Variants in ATRN observed in about 807,000 individuals in gnomAD.
ATRN encodes attractin.
Under a neutral mutation model 178.7 loss-of-function variants are expected in ATRN, and 54 were observed. The observed-to-expected ratio is 0.30, with a 90% CI of 0.24 to 0.38. The LOEUF is 0.38. Ranked by LOEUF, ATRN falls within the 10% of genes least tolerant of loss-of-function variation. ATRN has a pLI of 1.00. For missense variants in ATRN, 1,443 were observed against 1,815.1 expected (o/e 0.79, Z 3.73); for synonymous variants, 636 against 663.0 (o/e 0.96, Z 0.63).
intron 1 of ATRN, among the ~76,000 whole-genome samples, chr20:3,516,621 A>T (rs1347683783): frequency 3.9e-5 from 6 of 152,122 alleles, no homozygotes; most frequent in East Asian, 3.9e-4. Flanking sequence ...GCCAAGGGGG[A>T]TATGAAGAAA....
chr20:3,566,161 T>A (rs2086032984), intron 11 of ATRN, among the ~76,000 whole-genome samples: 1 of 152,130 alleles, frequency 6.6e-6, no homozygotes, highest in South Asian at 2.1e-4. Context: ...GCACTTCAGA[T>A]GGGGGGATAA....
At chr20:3,606,355 G>A (rs1043290313) in intron 24 of ATRN, among the ~76,000 whole-genome samples, 1 of 152,034 alleles carries the variant, frequency 6.6e-6, no homozygotes, top group African/African-American at 2.4e-5. Flanking sequence ...TCGTTTTCTG[G>A]CCAGTCTTTT....
intron 18 of ATRN, among the ~76,000 whole-genome samples, chr20:3,585,888 T>C (rs1006192829): frequency 2.6e-5 from 4 of 152,120 alleles, no homozygotes; most frequent in Non-Finnish European, 5.9e-5. Flanking sequence ...AAAGCCACAA[T>C]GAGATACCAC....
At chr20:3,618,936 C>G (rs2086874439) in intron 24 of ATRN, among the ~76,000 whole-genome samples, 1 of 152,212 alleles carries the variant, frequency 6.6e-6, no homozygotes, top group Admixed American at 6.5e-5. Flanking sequence ...TTAGAATGTA[C>G]TTAGCCAGGG....
intron 18 of ATRN, among the ~76,000 whole-genome samples, chr20:3,586,989 A>G (rs1390354886): frequency 6.6e-6 from 1 of 152,202 alleles, no homozygotes; most frequent in Admixed American, 6.5e-5. Context: ...CTGATAACTA[A>G]TGAAATTGAA....
chr20:3,498,827 G>T (rs1389002737), intron 1 of ATRN, among the ~76,000 whole-genome samples: 3,686 of 143,984 alleles, frequency 0.026, 155 homozygotes, highest in African/African-American at 0.088. Flanking sequence ...TGGAAGTTCT[G>T]GCCAGGGCAA....
intron 24 of ATRN, among the ~76,000 whole-genome samples, chr20:3,623,635 C>G (rs905337793): frequency 1.3e-5 from 2 of 152,040 alleles, no homozygotes; most frequent in Non-Finnish European, 2.9e-5. Context: ...GTAATTGTTT[C>G]GTTTATAGTA....
chr20:3,512,105 A>ATT (rs1379656862), intron 1 of ATRN, among the ~76,000 whole-genome samples: 117 of 113,382 alleles, frequency 1.0e-3, no homozygotes, highest in Middle Eastern at 5.0e-3. Flanking sequence ...ATATATATAT[A>ATT]TATTTTTTTT....
intron 1 of ATRN, among the ~76,000 whole-genome samples, chr20:3,506,748 G>T (rs2085050105): frequency 6.6e-6 from 1 of 151,814 alleles, no homozygotes; most frequent in Non-Finnish European, 1.5e-5. Flanking sequence ...AGAATGATCA[G>T]AAATACACTT....
rs1036261883 is a variant in ATRN, at chr20:3,574,243, G to A, written c.2092+1292G>A. Among the ~76,000 whole-genome samples, 21 of 152,282 alleles carry A rather than the reference G, an allele frequency of 1.4e-4. No individual in the cohort carries two copies. The South Asian group carries it at 4.1e-3, about 30-fold the overall frequency. ...AAGAACACCCAGGGCCAGCCACAGG[G>A]GCTCATGCCGGTAATCCCAGCACTT... On this transcript the variant is annotated intron_variant, in intron 12 of 28. Coordinates refer to ENST00000262919, the MANE Select transcript of ATRN (RefSeq NM_139321.3).
chr20:3,619,428 T>G (rs1317114427), intron 24 of ATRN, among the ~76,000 whole-genome samples: 1 of 152,184 alleles, frequency 6.6e-6, no homozygotes, highest in Non-Finnish European at 1.5e-5. Context: ...AAGTCCTGAA[T>G]GAGGCCAGAG....
At chr20:3,610,469 C>T (rs2086746161) in intron 24 of ATRN, among the ~76,000 whole-genome samples, 1 of 151,950 alleles carries the variant, frequency 6.6e-6, no homozygotes, top group African/African-American at 2.4e-5. Flanking sequence ...CTATGATGTC[C>T]AGGCTGGTCT....
chr20:3,538,990 C>T (rs1430936898), intron 2 of ATRN, among the ~76,000 whole-genome samples: 2 of 152,214 alleles, frequency 1.3e-5, no homozygotes, highest in Non-Finnish European at 2.9e-5. Context: ...GTCATTCTCA[C>T]ATCTCCAAAG....
chr20:3,552,464 A>G (rs780214855), intron 6 of ATRN, among the ~76,000 whole-genome samples: 13 of 151,936 alleles, frequency 8.6e-5, no homozygotes, highest in South Asian at 6.2e-4. Context: ...CCATCCTTCT[A>G]TTTACTTAAG....
Position 3,490,152 on chromosome 20 carries a change from C to A in ATRN, c.410+18635C>A, listed in dbSNP as rs113696870. On this transcript the variant is annotated intron_variant, in intron 1 of 28. Transcript: ENST00000262919. ...GTTATCAAGTGACTCCAGGGACTTT[C>A]CTTTGGTACTGAATAGTCTCTGGGC... 9 of 1,497,032 alleles carry A rather than the reference C, an allele frequency of 6.0e-6. 1 individual carries two copies. Among genetic ancestry groups the A allele is most frequent in the African/African-American group, 2.8e-5 (2 of 72,500 alleles). 92.7% of individuals were successfully genotyped at this position (1,497,032 alleles called of 1,614,324 possible).
intron 1 of ATRN, among the ~76,000 whole-genome samples, chr20:3,534,698 A>G (rs2085499877): frequency 6.6e-6 from 1 of 152,220 alleles, no homozygotes; most frequent in African/African-American, 2.4e-5. Flanking sequence ...TGCTGGTGGC[A>G]GTGCTCATGC....
At chr20:3,508,642 G>A (rs537138506) in intron 1 of ATRN, among the ~76,000 whole-genome samples, 32 of 152,342 alleles carry the variant, frequency 2.1e-4, no homozygotes, top group Admixed American at 5.2e-4. Context: ...AGTAAAGGGA[G>A]TTCCGTAAGC....
intron 1 of ATRN, among the ~76,000 whole-genome samples, chr20:3,472,236 T>G (rs1479868562): frequency 6.6e-6 from 1 of 151,902 alleles, no homozygotes; most frequent in Admixed American, 6.5e-5. Context: ...AATAAATTAA[T>G]TAGCAGTTAT....
chr20:3,626,567 G>T (rs1188764226), intron 25 of ATRN, among the ~76,000 whole-genome samples: 1 of 151,892 alleles, frequency 6.6e-6, no homozygotes, highest in Non-Finnish European at 1.5e-5. Flanking sequence ...GTCAGTTTCG[G>T]CAAGTTGTAT....
Sources: gnomAD v4.1 joint callset for allele counts (sites outside exome capture counted in the v4.1 genomes callset) on GRCh38, gnomAD v4.1.1 for gene constraint, MANE v1.5 for transcripts, NCBI Gene and HGNC (gene_info 2026-07-23, HGNC 2026-07-21) for gene names.